Variants in LARP1B observed in about 807,000 individuals in gnomAD.
LARP1B encodes the protein la-related protein 1B.
In LARP1B, 76 loss-of-function variants were observed where a neutral mutation model predicts 114.2. The ratio of observed to expected loss-of-function variants is 0.67; its 90% CI spans 0.55 to 0.81. The LOEUF is 0.81. Ranked by LOEUF, LARP1B falls within the 30% of genes least tolerant of loss-of-function variation. The probability of loss-of-function intolerance (pLI) is 0.00; values close to 1 mark genes in which losing one functional copy is unlikely to be tolerated. For synonymous variants in LARP1B, 345 were observed against 348.0 expected (o/e 0.99, Z 0.10); for missense variants, 1,014 against 1,075.8 (o/e 0.94, Z 0.80).
At chr4:128,137,890 G>C (rs1189633394) in intron 11 of LARP1B, among the ~76,000 whole-genome samples, 3 of 151,656 alleles carry the variant, frequency 2.0e-5, no homozygotes, top group Non-Finnish European at 2.9e-5. Context: ...CGCCTCCTGG[G>C]CTCAAGCAGT....
intron 11 of LARP1B, among the ~76,000 whole-genome samples, chr4:128,127,125 G>C (rs1422470178): frequency 6.6e-6 from 1 of 152,164 alleles, no homozygotes; most frequent in Non-Finnish European, 1.5e-5. Context: ...ACTGATAATT[G>C]TAGGCCTTGC....
chr4:128,187,216 C>T (rs1269869321), intron 15 of LARP1B, among the ~76,000 whole-genome samples: 1 of 152,188 alleles, frequency 6.6e-6, no homozygotes, highest in African/African-American at 2.4e-5. Context: ...AATGGTAGAT[C>T]CACTAGCAGC....
intron 7 of LARP1B, among the ~76,000 whole-genome samples, chr4:128,094,272 A>G (rs1376712634): frequency 1.3e-5 from 2 of 151,872 alleles, no homozygotes; most frequent in African/African-American, 4.8e-5. Context: ...ATTGTTTGTG[A>G]TGTCAGCATT....
At chr4:128,138,863 A>G (rs926093294) in intron 11 of LARP1B, among the ~76,000 whole-genome samples, 7 of 152,170 alleles carry the variant, frequency 4.6e-5, no homozygotes, top group African/African-American at 1.7e-4. Flanking sequence ...AGGCTGAGGC[A>G]TGAGAATCGC....
Position 128,122,120 on chromosome 4 carries a change from G to C in LARP1B, c.1456G>C (p.Asp486His). ...ATCTGAACTTGCTAAAGTTATCAAT[G>C]ATGGCTTATACTATTATGAACAGGA... is the stretch of plus-strand genomic sequence containing the variant. ...ITSELAKVIN[D>H]GLYYYEQDLW... Residue 486 changes from aspartate (D) to histidine (H), a missense_variant, in exon 11 of 20, where the codon GAT becomes CAT. Asp to His is a moderately conservative substitution (Grantham distance 81). Transcript: ENST00000326639. 1.9e-6 allele frequency: 3 copies of C among 1,614,070 alleles called. No individual in the cohort carries two copies. The highest frequency in any genetic ancestry group is 2.5e-6 in the Non-Finnish European group (3 of 1,179,982).
At chr4:128,069,944 A>AC (rs1357245257) in intron 1 of LARP1B, among the ~76,000 whole-genome samples, 4 of 152,154 alleles carry the variant, frequency 2.6e-5, no homozygotes, top group Admixed American at 2.6e-4. Context: ...CTAATGAAAT[A>AC]CCATTTTAAG....
intron 15 of LARP1B, among the ~76,000 whole-genome samples, chr4:128,193,628 A>G (rs1753003641): frequency 6.7e-6 from 1 of 148,946 alleles, no homozygotes; most frequent in Non-Finnish European, 1.5e-5. Flanking sequence ...TTTTATTTTT[A>G]TTTTTGAGAC....
At chr4:128,070,642 C>T (rs558886553) in intron 1 of LARP1B, among the ~76,000 whole-genome samples, 25 of 152,128 alleles carry the variant, frequency 1.6e-4, no homozygotes, top group Middle Eastern at 3.4e-3. Flanking sequence ...GCCTGGGCAA[C>T]GAGTGAAATT....
At chr4:128,113,026 T>G (rs1784639042) in intron 9 of LARP1B, among the ~76,000 whole-genome samples, 1 of 152,214 alleles carries the variant, frequency 6.6e-6, no homozygotes, top group Non-Finnish European at 1.5e-5. Context: ...AAACAAAAGA[T>G]TGCTGGTGTT....
At chr4:128,133,712 T>G (rs1792284050) in intron 11 of LARP1B, among the ~76,000 whole-genome samples, 1 of 152,198 alleles carries the variant, frequency 6.6e-6, no homozygotes, top group African/African-American at 2.4e-5. Context: ...TTTTTCTTTT[T>G]TGAGACAGAG....
intron 12 of LARP1B, among the ~76,000 whole-genome samples, 180 bp from the exon 13 acceptor site, chr4:128,176,692 G>T (rs1218372518): frequency 1.3e-5 from 2 of 152,172 alleles, no homozygotes; most frequent in East Asian, 1.9e-4. Context: ...CAAACATTAT[G>T]TATGGTAGGC....
At chr4:128,125,509 A>G (rs1789272364) in intron 11 of LARP1B, among the ~76,000 whole-genome samples, 1 of 152,230 alleles carries the variant, frequency 6.6e-6, no homozygotes, top group South Asian at 2.1e-4. Flanking sequence ...GCACTTCGGG[A>G]GGCCGATGTG....
chr4:128,159,294 T>C (rs749115093), intron 11 of LARP1B, among the ~76,000 whole-genome samples: 7 of 152,168 alleles, frequency 4.6e-5, no homozygotes, highest in Non-Finnish European at 8.8e-5. Context: ...TTCATATAAC[T>C]ATCACCACAG....
In LARP1B at chr4:128,178,488, C is replaced by T. The variant is rs1414310211; in HGVS notation, c.1742C>T (p.Ala581Val). 1 of 1,613,994 alleles carries T rather than the reference C, an allele frequency of 6.2e-7. No individual in the cohort carries two copies. The highest frequency in any genetic ancestry group is 1.7e-5 in the Admixed American group (1 of 60,020). ...GATGTTTCAGAAATAACTTCAGCAG[C>T]AATGGTTCATTCGTTGCCTACAGCA... ...LFDVSEITSA[A>V]MVHSLPTAVP... Residue 581 changes from alanine (A) to valine (V), a missense_variant, in exon 14 of 20, where the codon GCA becomes GTA. Transcript: ENST00000326639.
In LARP1B at chr4:128,211,541, G is replaced by T. The variant is rs1057126578; in HGVS notation, c.*1488G>T. The T allele has an allele frequency of 5.4e-6, 5 of 918,066 alleles. No homozygotes were observed. Among genetic ancestry groups the T allele is most frequent in the Admixed American group, 1.2e-4 (2 of 16,154 alleles). The allele number at this position is 918,066 out of a possible 1,614,324, so 56.9% of individuals were successfully genotyped here. On this transcript the variant is annotated 3_prime_UTR_variant, in exon 20 of 20. Coordinates refer to ENST00000326639, the MANE Select transcript of LARP1B (RefSeq NM_018078.4). ...TTAAATTGCAGAAATAGTCAAATTT[G>T]AATATTCAGAAAATAAATTTATTTA... is the stretch of plus-strand genomic sequence containing the variant.
rs1339730648 is a variant in LARP1B, at chr4:128,155,971, C to A, written c.1525-6223C>A. 3.9e-6 allele frequency: 6 copies of A among 1,534,530 alleles called. No homozygotes were observed. The East Asian group carries it at 1.4e-4, about 35-fold the overall frequency. Reference sequence around the variant, plus strand: ...CAGCGGCACCAGCAGCCCGCCAGCCCCCTGCCGCCCTGTACCTTGTATCTC... The same window carrying A: ...CAGCGGCACCAGCAGCCCGCCAGCCACCTGCCGCCCTGTACCTTGTATCTC... On this transcript the variant is annotated intron_variant, in intron 11 of 19. Coordinates refer to ENST00000326639, the MANE Select transcript of LARP1B (RefSeq NM_018078.4).
intron 15 of LARP1B, among the ~76,000 whole-genome samples, chr4:128,182,970 G>C (rs1489063842): frequency 6.6e-6 from 1 of 152,192 alleles, no homozygotes; most frequent in Non-Finnish European, 1.5e-5. Context: ...ATTCTCTGAA[G>C]ACTGAAAGAG....
intron 1 of LARP1B, 167 bp downstream of exon 1, chr4:128,061,568 A>C (rs2149228746): frequency 5.2e-5 from 27 of 518,556 alleles, no homozygotes; most frequent in South Asian, 1.7e-4. Context: ...AGCGGCGGCC[A>C]CGGCCGCCGG....
chr4:128,120,817 TTTTTTTTTC>T (rs1209698572), intron 10 of LARP1B, among the ~76,000 whole-genome samples: 1 of 146,920 alleles, frequency 6.8e-6, no homozygotes, highest in Non-Finnish European at 1.5e-5. Context: ...TTTTTTTTTT[TTTTTTTTTC>T]TTCAGACAGA....
Sources: gnomAD v4.1 joint callset for allele counts (sites outside exome capture counted in the v4.1 genomes callset) on GRCh38, gnomAD v4.1.1 for gene constraint, MANE v1.5 for transcripts, NCBI Gene and HGNC (gene_info 2026-07-23, HGNC 2026-07-21) for gene names.